The following SDR16C5 variants were observed in gnomAD, a reference collection of about 807,000 sequenced individuals.
SDR16C5 encodes the protein short chain dehydrogenase/reductase family 16C member 5.
In SDR16C5, 20 loss-of-function variants were observed where a neutral mutation model predicts 27.7. The observed-to-expected ratio is 0.72, with a 90% CI of 0.51 to 1.05. The LOEUF (loss-of-function observed/expected upper bound fraction) is 1.05. SDR16C5 is among the 50% of genes least tolerant of loss of function. The pLI is 0.00. For synonymous variants in SDR16C5, 139 were observed against 132.3 expected, an observed-to-expected ratio of 1.05 and a Z score of -0.35; for missense variants, 374 against 366.3, an observed-to-expected ratio of 1.02 and a Z score of -0.17.
intron 3 of SDR16C5, 165 bp from the exon 4 acceptor site, chr8:56,309,192 C>T: frequency 1.5e-6 from 1 of 666,934 alleles, no homozygotes; most frequent in South Asian, 6.7e-5. Flanking sequence ...ATCATTTTAA[C>T]TTATTTAACC....
At chr8:56,314,314 A>G (rs1017464685) in intron 2 of SDR16C5, among the ~76,000 whole-genome samples, 4 of 152,218 alleles carry the variant, frequency 2.6e-5, no homozygotes, top group East Asian at 1.9e-4. Context: ...AGAGGAGCAC[A>G]TAAGTAATTC....
Position 56,312,177 on chromosome 8 carries a change from T to C in SDR16C5, c.445A>G (p.Asn149Asp), listed in dbSNP as rs760830753. 15 of 1,612,544 alleles carry C rather than the reference T, an allele frequency of 9.3e-6. No individual in the cohort carries two copies. Among genetic ancestry groups the C allele is most frequent in the Admixed American group, 1.7e-5 (1 of 59,936 alleles). Residue 149 changes from asparagine to aspartate, a missense_variant, in exon 3 of 7, where the codon AAT becomes GAT. Asn to Asp is a conservative substitution (Grantham distance 23, BLOSUM62 1). Transcript: ENST00000303749. The stretch of plus-strand genomic sequence containing the variant: ...ATTACCCATAAATGTGCTTTGAAAT[T>C]CACATCAAATGACTTTTCCATAAGC... ...DELMEKSFDVNFKAHLWTYKA... is the reference protein window; with the variant it reads ...DELMEKSFDVDFKAHLWTYKA...
At chr8:56,301,682 C>A in intron 6 of SDR16C5, 109 bp from the exon 7 acceptor site, 1 of 764,878 alleles carries the variant, frequency 1.3e-6, no homozygotes, top group South Asian at 1.5e-5. Flanking sequence ...GTCACTCACT[C>A]ATGCACACAC....
rs201521139 is a variant in SDR16C5, at chr8:56,301,430, C to T, written c.*50G>A. ...AAAAATACTTTTCTTCATTGAAGTA[C>T]GCATTATGTAACACTGTGTATCAGA... On this transcript the variant is annotated 3_prime_UTR_variant, in exon 7 of 7. Coordinates refer to ENST00000303749, the MANE Select transcript of SDR16C5 (RefSeq NM_138969.4). The T allele has an allele frequency of 9.4e-5, 117 of 1,247,592 alleles. 1 individual carries two copies. The East Asian group carries it at 1.8e-3, about 19-fold the overall frequency. 77.3% of individuals were successfully genotyped at this position (1,247,592 alleles called of 1,614,324 possible).
In SDR16C5 at chr8:56,301,322, C is replaced by A; in HGVS notation, c.*158G>T. On this transcript the variant is annotated 3_prime_UTR_variant, in exon 7 of 7. Coordinates refer to ENST00000303749, the MANE Select transcript of SDR16C5 (RefSeq NM_138969.4). ...AAATAGGTGATAGCAACATTATTTT[C>A]AAACACATTGATTGAAAATTCTAGT... The A allele has an allele frequency of 1.8e-6, 1 of 570,842 alleles. No homozygotes were observed. The highest frequency in any genetic ancestry group is 3.2e-6 in the Non-Finnish European group (1 of 317,088). 35.4% of individuals were successfully genotyped at this position (570,842 alleles called of 1,614,324 possible). A position where few individuals can be genotyped will look rare whatever the true frequency, so the allele number is the denominator to read the frequency against.
At chr8:56,307,838 C>T (rs1814923718) in intron 4 of SDR16C5, among the ~76,000 whole-genome samples, 3 of 152,114 alleles carry the variant, frequency 2.0e-5, no homozygotes, top group African/African-American at 7.2e-5. Context: ...AAGACTCACA[C>T]GGTGGGAAAT....
rs1196160029 is a variant in SDR16C5 at position 56,300,763 on chromosome 8, A to T, written c.*717T>A. ...TTCATCTTCAAAGTAAGAAGCAACC[A>T]CTCTTTGATCTCTTCTAGGAAACAA... On this transcript the variant is annotated 3_prime_UTR_variant, in exon 7 of 7. Coordinates refer to ENST00000303749, the MANE Select transcript of SDR16C5 (RefSeq NM_138969.4). 1 of 152,014 alleles carries T rather than the reference A, an allele frequency of 6.6e-6. No individual in the cohort carries two copies. The highest frequency in any genetic ancestry group is 1.5e-5 in the Non-Finnish European group (1 of 68,004). 9.4% of individuals were successfully genotyped at this position (152,014 alleles called of 1,614,324 possible).
chr8:56,315,700 T>C (rs1046752063), intron 2 of SDR16C5, among the ~76,000 whole-genome samples: 1 of 152,162 alleles, frequency 6.6e-6, no homozygotes, highest in African/African-American at 2.4e-5. Context: ...TGTCAATAGA[T>C]GCAAGTGGCA....
In SDR16C5 at chr8:56,306,971, G is replaced by A. The variant is rs1246282842; in HGVS notation, c.566-151C>T. ...TTGGTCTACTCCCACTGGAAGAAGT[G>A]AGCAGGGAGTGGGAAGGGACATGGT... On this transcript the variant is annotated intron_variant, in intron 4 of 6. Transcript: ENST00000303749. The A allele has an allele frequency of 3.6e-5, 24 of 675,238 alleles. 1 individual carries two copies. In the East Asian group the frequency reaches 6.6e-4, roughly 18 times the overall value. The allele number at this position is 675,238 out of a possible 1,614,324, so 41.8% of individuals were successfully genotyped here.
chr8:56,301,156 C>T lies in SDR16C5; in HGVS notation c.*324G>A. 8.8e-6 allele frequency: 2 copies of T among 226,726 alleles called. No individual in the cohort carries two copies. The highest frequency in any genetic ancestry group is 2.1e-4 in the East Asian group (2 of 9,504). The allele number at this position is 226,726 out of a possible 1,614,324, so 14.0% of individuals were successfully genotyped here. A position where few individuals can be genotyped will look rare whatever the true frequency, so the allele number is the denominator to read the frequency against. On this transcript the variant is annotated 3_prime_UTR_variant, in exon 7 of 7. Transcript: ENST00000303749. ...ACCACAGCCGCTGGCTCCATTTGAG[C>T]CACCTCCCCAACGACCAAAGCTCAG...
intron 3 of SDR16C5, chr8:56,309,253 CA>C: frequency 8.7e-6 from 8 of 916,864 alleles, no homozygotes; most frequent in African/African-American, 1.8e-5. Flanking sequence ...ATAATTTATT[CA>C]GACTTATGTT....
At position 56,300,299 on chromosome 8, in the gene SDR16C5, CT is replaced by C. The variant is rs1018425142; in HGVS notation, c.*1180del. The C allele has an allele frequency of 6.6e-6, 1 of 152,006 alleles. No homozygotes were observed. Among genetic ancestry groups the C allele is most frequent in the East Asian group, 1.9e-4 (1 of 5,180 alleles). The allele number at this position is 152,006 out of a possible 1,614,324, so 9.4% of individuals were successfully genotyped here. On this transcript the variant is annotated 3_prime_UTR_variant, in exon 7 of 7. Transcript: ENST00000303749. ...TTTACACCCCCTGAGACTGCTGCCC[CT>C]ATGACAGCATTTTACCCCCAAGATA...
In SDR16C5 at chr8:56,308,996, G is replaced by A. The variant is rs1814956306; in HGVS notation, c.497C>T (p.Ala166Val). 2 of 1,611,890 alleles carry A rather than the reference G, an allele frequency of 1.2e-6. No homozygotes were observed. The highest frequency in any genetic ancestry group is 1.7e-5 in the Admixed American group (1 of 59,648). Residue 166 changes from alanine to valine, a missense_variant, in exon 4 of 7, where the codon GCT becomes GTT. Ala to Val is a moderately conservative substitution (Grantham distance 64). Coordinates refer to ENST00000303749, the MANE Select transcript of SDR16C5 (RefSeq NM_138969.4). ...TYKAFLPAMI[A>V]NDHGHLVCIS... ...GCAAACCAAATGTCCATGGTCATTA[G>A]CAATCATAGCAGGTAGAAAGGCTTT... is the stretch of plus-strand genomic sequence containing the variant.
rs1814744711 is a variant in SDR16C5, at chr8:56,301,214, A to G, written c.*266T>C. The G allele has an allele frequency of 5.8e-6, 2 of 341,908 alleles. No individual in the cohort carries two copies. The highest frequency in any genetic ancestry group is 7.5e-5 in the South Asian group (2 of 26,756). 21.2% of individuals were successfully genotyped at this position (341,908 alleles called of 1,614,324 possible). On this transcript the variant is annotated 3_prime_UTR_variant, in exon 7 of 7. Coordinates refer to ENST00000303749, the MANE Select transcript of SDR16C5 (RefSeq NM_138969.4). ...CATGGCCATGGCTTATCACTTTCTTACATCTGTGGTAATGGAAATGACAAA... is the reference window on the plus strand; with the variant it reads ...CATGGCCATGGCTTATCACTTTCTTGCATCTGTGGTAATGGAAATGACAAA...
At chr8:56,306,961 T>C (rs1814902404) in intron 4 of SDR16C5, 141 bp from the exon 5 acceptor site, 1 of 703,922 alleles carries the variant, frequency 1.4e-6, no homozygotes, top group Non-Finnish European at 2.3e-6. Flanking sequence ...CTACTCCCAC[T>C]GGAAGAAGTG....
rs1262721492 is a variant in SDR16C5 at position 56,300,601 on chromosome 8, T to C, written c.*879A>G. ...TGAGGGCAGCACTGATGAATATAAA[T>C]GCATAAAATTGCCCATTCTGCAGGA... On this transcript the variant is annotated 3_prime_UTR_variant, in exon 7 of 7. Transcript: ENST00000303749. 2.0e-5 allele frequency: 3 copies of C among 152,256 alleles called. No homozygotes were observed. Among genetic ancestry groups the C allele is most frequent in the Non-Finnish European group, 2.9e-5 (2 of 68,046 alleles). 9.4% of individuals were successfully genotyped at this position (152,256 alleles called of 1,614,324 possible).
chr8:56,305,509 G>A (rs554897589), intron 6 of SDR16C5, 88 bp downstream of exon 6: 1 of 1,122,154 alleles, frequency 8.9e-7, no homozygotes, highest in African/African-American at 1.6e-5. Flanking sequence ...TAATTTATCA[G>A]GTATTTTTAA....
At chr8:56,318,653 GAAGTCTC>G (rs1477925690) in intron 1 of SDR16C5, among the ~76,000 whole-genome samples, 10 of 152,198 alleles carry the variant, frequency 6.6e-5, no homozygotes, top group African/African-American at 2.4e-4. Flanking sequence ...GCAGTGGCCA[GAAGTCTC>G]AACATTGACC....
rs367896554 is a variant in SDR16C5 at position 56,306,702 on chromosome 8, A to C, written c.684T>G (p.Thr228=). Reference sequence around the variant, plus strand: ...CTGTAGTACAACCTTCAAACATTCCAGTTTTTATAAAAAAGGGGCACACAA... The same window carrying C: ...CTGTAGTACAACCTTCAAACATTCCCGTTTTTATAAAAAAGGGGCACACAA... The part of the protein sequence containing the change: ...TTIVCPFFIK[T]GMFEGCTTGC... The change falls in exon 5 of 7, where the codon ACT becomes ACG. Residue 228 remains threonine (T), a synonymous_variant. Transcript: ENST00000303749. The C allele has an allele frequency of 8.6e-5, 139 of 1,613,332 alleles. No individual in the cohort carries two copies. In the Middle Eastern group the frequency reaches 1.2e-3, roughly 13 times the overall value.
Sources: allele counts gnomAD v4.1 joint callset (sites outside exome capture counted in the v4.1 genomes callset), GRCh38; gene constraint gnomAD v4.1.1; transcripts MANE v1.5; gene names NCBI Gene and HGNC (gene_info 2026-07-23, HGNC 2026-07-21).